The following MACROH2A1 variants were observed in gnomAD, a reference collection of about 807,000 sequenced individuals.
The protein encoded by MACROH2A1 is core histone macro-H2A.1.
MACROH2A1 carries 2 observed loss-of-function variants against 31.6 expected under a neutral mutation model. That is an observed-to-expected ratio of 0.06 (90% CI 0.03 to 0.20). The LOEUF (loss-of-function observed/expected upper bound fraction) is 0.20. Ranked by LOEUF, MACROH2A1 falls within the 10% of genes least tolerant of loss-of-function variation. The pLI is 1.00. For missense variants in MACROH2A1, 230 were observed against 474.0 expected (o/e 0.49, Z 4.78); for synonymous variants, 169 against 189.6 (o/e 0.89, Z 0.89).
At position 135,369,903 on chromosome 5, in the gene MACROH2A1, G is replaced by A; in HGVS notation, c.279+133C>T. On this transcript the variant is annotated intron_variant, in intron 3 of 8. Transcript: ENST00000511689. The surrounding 1 kb of genome is among the most constrained non-coding windows in gnomAD (Gnocchi z 4.3). Reference sequence around the variant, plus strand: ...TGGGGAAAAACTGCCATGGGAGGCAGAGAAGCTGCTAATTAATCCAAAAGG... The same window carrying A: ...TGGGGAAAAACTGCCATGGGAGGCAAAGAAGCTGCTAATTAATCCAAAAGG... 1.5e-6 allele frequency: 1 copy of A among 645,358 alleles called. No individual in the cohort carries two copies. The highest frequency in any genetic ancestry group is 1.9e-5 in the South Asian group (1 of 51,644). 40.0% of individuals were successfully genotyped at this position (645,358 alleles called of 1,614,324 possible). A position where few individuals can be genotyped will look rare whatever the true frequency, so the allele number is the denominator to read the frequency against.
intron 7 of MACROH2A1, 77 bp from the exon 8 acceptor site, chr5:135,343,511 T>TCC (rs1760283656): frequency 6.3e-7 from 1 of 1,579,940 alleles, no homozygotes; most frequent in African/African-American, 1.3e-5. Context: ...ACAGACCCAC[T>TCC]CCCCTGCCAC....
intron 6 of MACROH2A1, chr5:135,351,451 C>CTTTAT (rs1257950741): frequency 2.7e-5 from 4 of 150,460 alleles, no homozygotes; most frequent in African/African-American, 9.8e-5. Context: ...AGAGGACTGC[C>CTTTAT]TTTATTTTTT....
chr5:135,369,931 G>A lies in MACROH2A1; in HGVS notation c.279+105C>T. On this transcript the variant is annotated intron_variant, in intron 3 of 8. Coordinates refer to ENST00000511689, the MANE Select transcript of MACROH2A1 (RefSeq NM_138610.3). This position sits in a 1 kb window ranked among gnomAD's most constrained non-coding sequence, Gnocchi z 4.3. ...AAGCTGCTAATTAATCCAAAAGGCA[G>A]TCCACACCTTTCATAACCAGCCAAC... is the stretch of plus-strand genomic sequence containing the variant. The A allele has an allele frequency of 1.3e-6, 1 of 743,198 alleles. No homozygotes were observed. The highest frequency in any genetic ancestry group is 2.3e-6 in the Non-Finnish European group (1 of 441,690). The allele number at this position is 743,198 out of a possible 1,614,324, so 46.0% of individuals were successfully genotyped here. A position where few individuals can be genotyped will look rare whatever the true frequency, so the allele number is the denominator to read the frequency against.
intron 6 of MACROH2A1, chr5:135,351,490 A>G (rs1404941758): frequency 6.8e-6 from 1 of 147,620 alleles, no homozygotes; most frequent in Non-Finnish European, 1.5e-5. Context: ...GATCTCTATC[A>G]ATATTTTTCC....
At chr5:135,383,047 A>G (rs1302493346) in intron 2 of MACROH2A1, among the ~76,000 whole-genome samples, 1 of 152,248 alleles carries the variant, frequency 6.6e-6, no homozygotes, top group Non-Finnish European at 1.5e-5. Context: ...TCCAGGCTCT[A>G]GTCTCAAACC....
intron 5 of MACROH2A1, chr5:135,359,705 A>T (rs533724667): frequency 1.0e-6 from 1 of 980,742 alleles, no homozygotes; most frequent in South Asian, 4.7e-5. Flanking sequence ...CCACACTCAA[A>T]CTAAACACAG....
intron 2 of MACROH2A1, among the ~76,000 whole-genome samples, chr5:135,373,502 TCA>T (rs1170870581): frequency 6.6e-6 from 1 of 152,192 alleles, no homozygotes; most frequent in African/African-American, 2.4e-5. Context: ...TTCAGTAGCC[TCA>T]GTTTCTCCAT....
At chr5:135,351,922 CT>C (rs150464921) in intron 6 of MACROH2A1, among the ~76,000 whole-genome samples, 115 of 145,292 alleles carry the variant, frequency 7.9e-4, no homozygotes, top group East Asian at 5.8e-3. Context: ...AGCTTGTGGC[CT>C]TTTTTTTTTT....
intron 2 of MACROH2A1, among the ~76,000 whole-genome samples, chr5:135,382,590 A>T (rs1444281668): frequency 7.2e-5 from 11 of 152,246 alleles, no homozygotes; most frequent in Admixed American, 7.2e-4. Flanking sequence ...GTTTGGCAGT[A>T]ACTTCCTGGA....
intron 1 of MACROH2A1, among the ~76,000 whole-genome samples, chr5:135,396,129 C>T (rs1016413266): frequency 1.3e-5 from 2 of 152,158 alleles, no homozygotes; most frequent in Admixed American, 1.3e-4. Flanking sequence ...ATTTTAACAG[C>T]AAGTTACTGC....
At chr5:135,367,820 C>T (rs750732476) in intron 4 of MACROH2A1, among the ~76,000 whole-genome samples, 8 of 152,230 alleles carry the variant, frequency 5.3e-5, no homozygotes, top group Non-Finnish European at 8.8e-5. Context: ...ATCTTCGTTG[C>T]CTTTTTAACA....
chr5:135,386,285 C>T (rs1281030520), intron 2 of MACROH2A1, among the ~76,000 whole-genome samples: 2 of 152,162 alleles, frequency 1.3e-5, no homozygotes, highest in African/African-American at 4.8e-5. Flanking sequence ...TAAGTAACCA[C>T]AGCAGTGACT....
At chr5:135,382,073 GCA>G (rs942342091) in intron 2 of MACROH2A1, among the ~76,000 whole-genome samples, 1 of 152,218 alleles carries the variant, frequency 6.6e-6, no homozygotes, top group Admixed American at 6.5e-5. Flanking sequence ...TGAAAAGAAG[GCA>G]CACTTAGTTT....
At chr5:135,360,816 AT>A in intron 4 of MACROH2A1, 1 of 685,246 alleles carries the variant, frequency 1.5e-6, no homozygotes, top group South Asian at 1.5e-5. Context: ...TAATCACTTT[AT>A]GATCGTAAAA....
chr5:135,346,354 T>G (rs1760838252), intron 6 of MACROH2A1: 1 of 367,430 alleles, frequency 2.7e-6, no homozygotes, highest in Admixed American at 4.0e-5. Flanking sequence ...ATGCTTGTTT[T>G]TTGCAAACAT....
chr5:135,337,891 A>C, intron 8 of MACROH2A1: 1 of 1,031,876 alleles, frequency 9.7e-7, no homozygotes, highest in Non-Finnish European at 1.2e-6. Context: ...ATTTGTTTCC[A>C]GGACAACCCT....
At chr5:135,368,512 G>A (rs889785773) in intron 4 of MACROH2A1, among the ~76,000 whole-genome samples, 1 of 152,220 alleles carries the variant, frequency 6.6e-6, no homozygotes, top group African/African-American at 2.4e-5. Flanking sequence ...ATTTCCTCCT[G>A]ATCTGGCTGG....
chr5:135,350,858 G>A (rs746106662), intron 6 of MACROH2A1: 70 of 1,613,078 alleles, frequency 4.3e-5, no homozygotes, highest in Non-Finnish European at 5.7e-5. Context: ...AGTGTTTGTC[G>A]GGTGAACGAC....
chr5:135,335,331 C>A (rs2149689407), intron 8 of MACROH2A1, among the ~76,000 whole-genome samples, 190 bp from the exon 9 acceptor site: 1 of 152,336 alleles, frequency 6.6e-6, no homozygotes, highest in Non-Finnish European at 1.5e-5. Flanking sequence ...GGGGGACAGA[C>A]AACTGGGCAG....
Sources: allele counts gnomAD v4.1 joint callset (sites outside exome capture counted in the v4.1 genomes callset), GRCh38; gene constraint gnomAD v4.1.1; non-coding constraint Gnocchi (gnomAD v3.1); transcripts MANE v1.5; gene names NCBI Gene and HGNC (gene_info 2026-07-23, HGNC 2026-07-21).